INPP5F: variants seen among roughly 807,000 people sequenced by gnomAD.
The protein encoded by INPP5F is inositol polyphosphate-5-phosphatase F.
In INPP5F, 97 loss-of-function variants were observed where a neutral mutation model predicts 137.2. That is an observed-to-expected ratio of 0.71 (90% CI 0.60 to 0.84). The LOEUF (loss-of-function observed/expected upper bound fraction) is 0.84. Ranked by LOEUF, INPP5F falls within the 40% of genes least tolerant of loss-of-function variation. INPP5F has a pLI of 0.00. For missense variants in INPP5F, 1,271 were observed against 1,371.9 expected (o/e 0.93, Z 1.16); for synonymous variants, 504 against 476.9 (o/e 1.06, Z -0.74).
intron 1 of INPP5F, among the ~76,000 whole-genome samples, chr10:119,742,256 A>G (rs1359783607): frequency 6.6e-6 from 1 of 151,644 alleles, no homozygotes; most frequent in East Asian, 2.0e-4. Flanking sequence ...CCCGGGTTCA[A>G]GCAATTCTCT....
rs973782288 is a variant in INPP5F, at chr10:119,748,819, A to G, written c.98-2257A>G. Among the ~76,000 whole-genome samples the G allele has an allele frequency of 1.3e-5, 2 of 152,180 alleles. No individual in the cohort carries two copies. Among genetic ancestry groups the G allele is most frequent in the Non-Finnish European group, 2.9e-5 (2 of 68,018 alleles). Reference sequence around the variant, plus strand: ...ACCCGGAACCTGCAGCTCAGACCCCAGGCTTCAGGTTGTCCCTGGCTTGAA... The same window carrying G: ...ACCCGGAACCTGCAGCTCAGACCCCGGGCTTCAGGTTGTCCCTGGCTTGAA... On this transcript the variant is annotated intron_variant, in intron 1 of 19. Coordinates refer to ENST00000650623, the MANE Select transcript of INPP5F (RefSeq NM_014937.4). This position sits in a 1 kb window ranked among gnomAD's most constrained non-coding sequence, Gnocchi z 4.7.
intron 1 of INPP5F, among the ~76,000 whole-genome samples, chr10:119,741,831 G>A (rs1848384465): frequency 6.6e-6 from 1 of 151,916 alleles, no homozygotes; most frequent in Admixed American, 6.6e-5. Flanking sequence ...CACCGTGCCT[G>A]GCCATTATTT....
At position 119,767,128 on chromosome 10, in the gene INPP5F, A is replaced by C. The variant is rs983565495; in HGVS notation, c.179-14507A>C. On this transcript the variant is annotated intron_variant, in intron 2 of 19. Coordinates refer to ENST00000650623, the MANE Select transcript of INPP5F (RefSeq NM_014937.4). The stretch of plus-strand genomic sequence containing the variant: ...TCCAGAAAAAAAAAAAAAAAAAAAA[A>C]AAAAACCTAGAGAGATTTTCAGGCA... 2.1e-3 allele frequency among the ~76,000 whole-genome samples: 313 copies of C among 150,564 alleles called. 1 individual carries two copies. The highest frequency in any genetic ancestry group is 6.9e-3 in the African/African-American group (285 of 41,024).
intron 2 of INPP5F, among the ~76,000 whole-genome samples, chr10:119,764,611 C>T (rs1161767192): frequency 2.0e-5 from 3 of 150,198 alleles, no homozygotes; most frequent in Admixed American, 1.3e-4. Flanking sequence ...GATGGAGTTC[C>T]GCTGTTGTTG....
Position 119,748,843 on chromosome 10 carries a change from A to G in INPP5F, c.98-2233A>G, listed in dbSNP as rs912799639. 6.6e-6 allele frequency among the ~76,000 whole-genome samples: 1 copy of G among 152,106 alleles called. No individual in the cohort carries two copies. Among genetic ancestry groups the G allele is most frequent in the Non-Finnish European group, 1.5e-5 (1 of 68,016 alleles). The stretch of plus-strand genomic sequence containing the variant: ...CAGGCTTCAGGTTGTCCCTGGCTTG[A>G]AGGTGGGGTTTTACCTGTGATCTGC... On this transcript the variant is annotated intron_variant, in intron 1 of 19. Coordinates refer to ENST00000650623, the MANE Select transcript of INPP5F (RefSeq NM_014937.4). This position sits in a 1 kb window ranked among gnomAD's most constrained non-coding sequence, Gnocchi z 4.7.
intron 1 of INPP5F, among the ~76,000 whole-genome samples, chr10:119,739,159 G>A (rs935758163): frequency 2.0e-5 from 3 of 152,148 alleles, no homozygotes; most frequent in African/African-American, 7.2e-5. Flanking sequence ...TTCAGTCTGG[G>A]TAGCAGAGTG....
intron 14 of INPP5F, 25 bp from the exon 15 acceptor site, chr10:119,811,732 A>G (rs1443288649): frequency 1.3e-6 from 2 of 1,555,178 alleles, no homozygotes; most frequent in African/African-American, 2.7e-5. Flanking sequence ...TAAAATGATG[A>G]TAGATATTAA....
chr10:119,820,791 C>T, intron 15 of INPP5F, 55 bp from the exon 16 acceptor site: 1 of 1,431,778 alleles, frequency 7.0e-7, no homozygotes, highest in Non-Finnish European at 9.9e-7. Context: ...ATATGCTTGG[C>T]AAAAAATGCA....
chr10:119,815,380 A>G (rs1446545541), intron 15 of INPP5F: 4 of 134,438 alleles, frequency 3.0e-5, no homozygotes, highest in African/African-American at 1.0e-4. Context: ...TGCCATCCTT[A>G]TCTTCTTCCT....
At chr10:119,726,500 T>A in intron 1 of INPP5F, 141 bp downstream of exon 1, 1 of 336,292 alleles carries the variant, frequency 3.0e-6, no homozygotes, top group Non-Finnish European at 5.0e-6. Context: ...GCGCGCGAGC[T>A]GTCATTATTC....
chr10:119,758,620 T>G (rs1309702048), intron 2 of INPP5F, among the ~76,000 whole-genome samples: 1 of 152,170 alleles, frequency 6.6e-6, no homozygotes, highest in African/African-American at 2.4e-5. Context: ...AAAAGATTCA[T>G]TAGTAAAGGA....
chr10:119,821,166 G>T (rs933685415), intron 16 of INPP5F, among the ~76,000 whole-genome samples: 1 of 152,040 alleles, frequency 6.6e-6, no homozygotes, highest in Non-Finnish European at 1.5e-5. Context: ...TTGGCATTTG[G>T]TGTTATTTCC....
chr10:119,792,245 T>A, intron 6 of INPP5F, 32 bp downstream of exon 6: 1 of 1,490,738 alleles, frequency 6.7e-7, no homozygotes, highest in Non-Finnish European at 9.3e-7. Context: ...TTCCTAACCG[T>A]AATGAAATTG....
chr10:119,788,623 T>C (rs1294524532), intron 3 of INPP5F, among the ~76,000 whole-genome samples: 3 of 152,200 alleles, frequency 2.0e-5, no homozygotes, highest in Non-Finnish European at 2.9e-5. Flanking sequence ...GCTGGGACAC[T>C]GTACCCTGCT....
intron 2 of INPP5F, among the ~76,000 whole-genome samples, chr10:119,756,997 G>T (rs1463818196): frequency 6.6e-6 from 1 of 152,164 alleles, no homozygotes; most frequent in Non-Finnish European, 1.5e-5. Context: ...TTCAGCCAGG[G>T]TGTAATGTAG....
chr10:119,745,865 C>A (rs775363967), intron 1 of INPP5F, among the ~76,000 whole-genome samples: 2 of 151,798 alleles, frequency 1.3e-5, no homozygotes, highest in Non-Finnish European at 2.9e-5. Context: ...CTACCATGCC[C>A]GGCTAGTTTT....
intron 3 of INPP5F, among the ~76,000 whole-genome samples, chr10:119,783,478 A>G (rs1278830607): frequency 6.6e-6 from 1 of 152,228 alleles, no homozygotes; most frequent in Non-Finnish European, 1.5e-5. Flanking sequence ...CGGAAATTAA[A>G]TGTCACACAT....
At chr10:119,793,970 C>G (rs1850236450) in intron 6 of INPP5F, among the ~76,000 whole-genome samples, 1 of 152,202 alleles carries the variant, frequency 6.6e-6, no homozygotes, top group African/African-American at 2.4e-5. Flanking sequence ...TTAATCAGTA[C>G]TCTCCTAATT....
At chr10:119,731,029 C>T (rs1368867218) in intron 1 of INPP5F, among the ~76,000 whole-genome samples, 6 of 152,014 alleles carry the variant, frequency 3.9e-5, no homozygotes, top group East Asian at 1.9e-4. Context: ...CCTCGTGATC[C>T]GCCCGCCTCT....
Sources: gnomAD v4.1 joint callset for allele counts (sites outside exome capture counted in the v4.1 genomes callset) on GRCh38, gnomAD v4.1.1 for gene constraint, Gnocchi (gnomAD v3.1) non-coding constraint, MANE v1.5 for transcripts, NCBI Gene and HGNC (gene_info 2026-07-23, HGNC 2026-07-21) for gene names.